EBPL: variants seen among roughly 807,000 people sequenced by gnomAD.
EBPL encodes emopamil-binding protein-like.
Under a neutral mutation model 19.0 loss-of-function variants are expected in EBPL, and 20 were observed. That is an observed-to-expected ratio of 1.05 (90% CI 0.74 to 1.53). EBPL has a LOEUF of 1.53. Among genes scored for constraint, EBPL ranks in the 40% most tolerant of loss-of-function variants. The probability of loss-of-function intolerance (pLI) is 0.00; values close to 1 mark genes in which losing one functional copy is unlikely to be tolerated. For synonymous variants in EBPL, 107 were observed against 117.0 expected, an observed-to-expected ratio of 0.91 and a Z score of 0.55; for missense variants, 219 against 261.1, an observed-to-expected ratio of 0.84 and a Z score of 1.11.
intron 1 of EBPL, among the ~76,000 whole-genome samples, chr13:49,683,453 C>A (rs1024772729): frequency 1.1e-4 from 17 of 152,044 alleles, no homozygotes; most frequent in African/African-American, 4.1e-4. Context: ...ATGGTGTGAA[C>A]CCGGGAGGCG....
chr13:49,686,611 TA>T (rs1954001623), intron 1 of EBPL: 8 of 1,288,736 alleles, frequency 6.2e-6, no homozygotes, highest in Non-Finnish European at 7.1e-6. Flanking sequence ...ATAGATATTT[TA>T]AAAGATTCTG....
chr13:49,681,351 T>C (rs1426821400), intron 1 of EBPL, among the ~76,000 whole-genome samples: 2 of 152,334 alleles, frequency 1.3e-5, no homozygotes, highest in South Asian at 4.1e-4. Context: ...AATGCAGTGG[T>C]GCGATCTCGG....
intron 1 of EBPL, among the ~76,000 whole-genome samples, chr13:49,684,141 AACTTTT>A (rs752328408): frequency 4.6e-5 from 7 of 152,208 alleles, no homozygotes; most frequent in Non-Finnish European, 1.0e-4. Context: ...GACATGAGAA[AACTTTT>A]ACTAGAAGCG....
At chr13:49,679,347 T>C (rs923812973) in intron 1 of EBPL, among the ~76,000 whole-genome samples, 5 of 152,188 alleles carry the variant, frequency 3.3e-5, no homozygotes, top group Non-Finnish European at 5.9e-5. Flanking sequence ...CTAAGATTCA[T>C]GTTTGAGCTC....
intron 1 of EBPL, 80 bp downstream of exon 1, chr13:49,691,174 A>G (rs1594421094): frequency 1.6e-5 from 19 of 1,191,276 alleles, no homozygotes; most frequent in Non-Finnish European, 2.0e-5. Context: ...AAAAAGCCGC[A>G]GGACCCCCTC....
At chr13:49,686,392 G>T (rs1326481251) in intron 1 of EBPL, 18 of 1,208,352 alleles carry the variant, frequency 1.5e-5, no homozygotes, top group Middle Eastern at 3.7e-4. Flanking sequence ...TCCTCTACCT[G>T]GCCTATAAGC....
intron 1 of EBPL, among the ~76,000 whole-genome samples, chr13:49,675,366 C>T (rs1274917150): frequency 6.6e-6 from 1 of 152,234 alleles, no homozygotes; most frequent in Non-Finnish European, 1.5e-5. Context: ...AATTTTTCAG[C>T]TCCATCATAA....
intron 1 of EBPL, among the ~76,000 whole-genome samples, chr13:49,683,954 G>A (rs1953970632): frequency 6.6e-6 from 1 of 152,182 alleles, no homozygotes. Context: ...CTGATAAATG[G>A]ATAAATGAAT....
chr13:49,686,762 C>T (rs550267310), intron 1 of EBPL, among the ~76,000 whole-genome samples: 2 of 152,232 alleles, frequency 1.3e-5, no homozygotes, highest in South Asian at 4.1e-4. Context: ...GTCTCTCCAA[C>T]TCAATTTACA....
At chr13:49,686,739 C>T in intron 1 of EBPL, 1 of 738,762 alleles carries the variant, frequency 1.4e-6, no homozygotes, top group Non-Finnish European at 1.9e-6. Context: ...ACTCTCTCTT[C>T]TGCCCTGACT....
intron 3 of EBPL, 27 bp downstream of exon 3, chr13:49,663,030 C>G: frequency 1.9e-6 from 3 of 1,612,378 alleles, no homozygotes; most frequent in Non-Finnish European, 2.5e-6. Flanking sequence ...TCCCCTCCTT[C>G]CAGCAGGACA....
In EBPL at chr13:49,660,966, G is replaced by A. The variant is rs748948687; in HGVS notation, c.*2C>T. 6.2e-7 allele frequency: 1 copy of A among 1,605,684 alleles called. No homozygotes were observed. Among genetic ancestry groups the A allele is most frequent in the Non-Finnish European group, 8.5e-7 (1 of 1,175,050 alleles). On this transcript the variant is annotated 3_prime_UTR_variant, in exon 4 of 4. Transcript: ENST00000242827. ...GATAATGGTGTTTATGGTTTTGAAA[G>A]TTCACTGAAACTTCTTCACTGAACT... is the stretch of plus-strand genomic sequence containing the variant.
chr13:49,672,090 G>A (rs1304226300), intron 1 of EBPL, among the ~76,000 whole-genome samples: 2 of 152,094 alleles, frequency 1.3e-5, no homozygotes, highest in Non-Finnish European at 2.9e-5. Flanking sequence ...CTATCTGCTC[G>A]CTATGGACCC....
rs111272389 is a variant in EBPL, at chr13:49,686,041, T to C, written c.171+5213A>G. On this transcript the variant is annotated intron_variant, in intron 1 of 3. Coordinates refer to ENST00000242827, the MANE Select transcript of EBPL (RefSeq NM_032565.5). ...ATTCACAGGTGTTAGGTGGGATGCA[T>C]GGAGAGCCAGCCAAGGCCCAGGTTT... Among the ~76,000 whole-genome samples the C allele has an allele frequency of 2.1e-3, 326 of 152,234 alleles. 2 individuals are homozygous for C. The highest frequency in any genetic ancestry group is 3.2e-3 in the Non-Finnish European group (219 of 68,026).
chr13:49,675,317 T>C (rs1277060529), intron 1 of EBPL, among the ~76,000 whole-genome samples: 1 of 152,256 alleles, frequency 6.6e-6, no homozygotes, highest in Non-Finnish European at 1.5e-5. Context: ...TGCACTGCAC[T>C]ACAACATTAT....
intron 1 of EBPL, among the ~76,000 whole-genome samples, chr13:49,687,226 C>A (rs1316971696): frequency 6.6e-6 from 1 of 152,270 alleles, no homozygotes; most frequent in East Asian, 1.9e-4. Flanking sequence ...ATCATGTCCA[C>A]CCCCAATCTA....
At chr13:49,686,699 T>C in intron 1 of EBPL, 1 of 1,121,792 alleles carries the variant, frequency 8.9e-7, no homozygotes, top group Non-Finnish European at 1.2e-6. Context: ...CTTCGTGCTA[T>C]CTCCCCCAAC....
chr13:49,670,112 A>G (rs1271609818), intron 1 of EBPL, among the ~76,000 whole-genome samples: 3 of 152,236 alleles, frequency 2.0e-5, no homozygotes, highest in Non-Finnish European at 2.9e-5. Context: ...ATGTGTTCTT[A>G]TGTGGAAAAA....
In EBPL at chr13:49,671,983, CCCTTCTTCAAGAAA is replaced by C. The variant is rs544988357; in HGVS notation, c.172-2151_172-2138del. ...CATTTTTCAAATCCCAGCCCTAACC[CCCTTCTTCAAGAAA>C]CCTTCTTTGACCTCCTAGTGAGAAT... On this transcript the variant is annotated intron_variant, in intron 1 of 3. Coordinates refer to ENST00000242827, the MANE Select transcript of EBPL (RefSeq NM_032565.5). Among the ~76,000 whole-genome samples, 80 of 152,306 alleles carry C rather than the reference CCCTTCTTCAAGAAA, an allele frequency of 5.3e-4. 1 individual carries two copies. In the East Asian group the frequency reaches 0.012, roughly 22 times the overall value.
Sources: gnomAD v4.1 joint callset for allele counts (sites outside exome capture counted in the v4.1 genomes callset) on GRCh38, gnomAD v4.1.1 for gene constraint, MANE v1.5 for transcripts, NCBI Gene and HGNC (gene_info 2026-07-23, HGNC 2026-07-21) for gene names.